ROBO2: variants seen among roughly 807,000 people sequenced by gnomAD.
ROBO2 encodes roundabout guidance receptor 2.
Under a neutral mutation model 160.8 loss-of-function variants are expected in ROBO2, and 53 were observed. The observed-to-expected ratio is 0.33, with a 90% CI of 0.26 to 0.41. The LOEUF (loss-of-function observed/expected upper bound fraction) is 0.41, where lower values mean the gene tolerates loss of function less well. Among genes scored for constraint, ROBO2 ranks in the 10% least tolerant of loss-of-function variants. The pLI, the probability that ROBO2 is intolerant of heterozygous loss-of-function variation, is 1.00. For missense variants in ROBO2, 1,577 were observed against 1,722.4 expected (o/e 0.92, Z 1.49); for synonymous variants, 664 against 611.7 (o/e 1.09, Z -1.26).
intron 2 of ROBO2, among the ~76,000 whole-genome samples, chr3:76,255,775 T>G (rs1706319445): frequency 6.6e-6 from 1 of 152,118 alleles, no homozygotes; most frequent in African/African-American, 2.4e-5. Flanking sequence ...TATAGACAAT[T>G]CTCATGCAGT....
At chr3:76,922,455 G>C (rs959060995) in intron 2 of ROBO2, among the ~76,000 whole-genome samples, 1 of 152,192 alleles carries the variant, frequency 6.6e-6, no homozygotes, top group African/African-American at 2.4e-5. Context: ...TAGCATCCTG[G>C]TATAACCAGT....
At chr3:76,364,924 C>T (rs1217195699) in intron 2 of ROBO2, among the ~76,000 whole-genome samples, 2 of 152,058 alleles carry the variant, frequency 1.3e-5, no homozygotes, top group East Asian at 3.9e-4. Context: ...GACTCTCTAC[C>T]TGTTTTCCTA....
intron 2 of ROBO2, among the ~76,000 whole-genome samples, chr3:76,547,710 A>G (rs2083189700): frequency 1.3e-5 from 2 of 152,088 alleles, no homozygotes; most frequent in Non-Finnish European, 2.9e-5. Flanking sequence ...GGTTTAACCA[A>G]TGCATATTTT....
At chr3:77,240,347 G>A (rs1040750566) in intron 2 of ROBO2, among the ~76,000 whole-genome samples, 17 of 152,270 alleles carry the variant, frequency 1.1e-4, no homozygotes, top group African/African-American at 4.1e-4. Flanking sequence ...GCCCCTCACT[G>A]CCCGGAGCCG....
intron 2 of ROBO2, among the ~76,000 whole-genome samples, chr3:77,290,164 G>C (rs962480568): frequency 6.6e-6 from 1 of 151,514 alleles, no homozygotes; most frequent in Admixed American, 6.6e-5. Context: ...GCTGAGGCTA[G>C]ATCACCCAAG....
intron 2 of ROBO2, among the ~76,000 whole-genome samples, chr3:76,822,540 T>C (rs1443347676): frequency 1.3e-5 from 2 of 152,014 alleles, no homozygotes; most frequent in African/African-American, 4.8e-5. Context: ...TTCTAAACAA[T>C]GTTCTATGTA....
intron 2 of ROBO2, among the ~76,000 whole-genome samples, chr3:76,005,601 A>G (rs1395889508): frequency 1.3e-5 from 2 of 152,206 alleles, no homozygotes; most frequent in Non-Finnish European, 2.9e-5. Flanking sequence ...GACTTGACCT[A>G]CAGAATCTGT....
At chr3:76,355,060 G>GTGTGTGTGTGTGTT (rs2075082228) in intron 2 of ROBO2, among the ~76,000 whole-genome samples, 1 of 151,506 alleles carries the variant, frequency 6.6e-6, no homozygotes, top group Non-Finnish European at 1.5e-5. Flanking sequence ...GTGTGTGTGT[G>GTGTGTGTGTGTGTT]TATGTATGCA....
At chr3:76,646,279 T>A (rs2090966567) in intron 2 of ROBO2, among the ~76,000 whole-genome samples, 1 of 151,864 alleles carries the variant, frequency 6.6e-6, no homozygotes, top group South Asian at 2.1e-4. Context: ...TGTGGAAGAG[T>A]GACGGGAAAG....
intron 2 of ROBO2, among the ~76,000 whole-genome samples, chr3:76,051,420 C>T (rs1212578077): frequency 6.6e-6 from 1 of 152,106 alleles, no homozygotes; most frequent in East Asian, 1.9e-4. Context: ...ATGTATATTA[C>T]ACATGGACTA....
chr3:76,721,154 T>A (rs2093459745), intron 2 of ROBO2, among the ~76,000 whole-genome samples: 2 of 152,218 alleles, frequency 1.3e-5, no homozygotes, highest in Non-Finnish European at 2.9e-5. Context: ...ATCTGTAATC[T>A]CAAGTTTATT....
At chr3:76,446,373 G>T (rs1023820146) in intron 2 of ROBO2, among the ~76,000 whole-genome samples, 3 of 152,324 alleles carry the variant, frequency 2.0e-5, no homozygotes, top group Admixed American at 6.5e-5. Flanking sequence ...ACAAATCACT[G>T]CTCAACGAAA....
chr3:77,368,257 T>TC (rs2071219114), intron 2 of ROBO2, among the ~76,000 whole-genome samples: 1 of 151,882 alleles, frequency 6.6e-6, no homozygotes, highest in African/African-American at 2.4e-5. Context: ...ATACATTCAT[T>TC]TTTTTGTTAT....
intron 2 of ROBO2, among the ~76,000 whole-genome samples, chr3:76,693,139 G>A (rs2092843889): frequency 2.8e-5 from 4 of 143,240 alleles, no homozygotes; most frequent in African/African-American, 7.7e-5. Flanking sequence ...ATATATATGT[G>A]TATATACATA....
At chr3:77,395,319 C>T (rs1021389890) in intron 2 of ROBO2, among the ~76,000 whole-genome samples, 1 of 152,044 alleles carries the variant, frequency 6.6e-6, no homozygotes, top group Non-Finnish European at 1.5e-5. Flanking sequence ...TCCGCTTTCC[C>T]GGAGGGGTGG....
At chr3:77,591,149 T>A (rs951414509) in intron 17 of ROBO2, among the ~76,000 whole-genome samples, 4 of 152,170 alleles carry the variant, frequency 2.6e-5, no homozygotes, top group African/African-American at 9.6e-5. Flanking sequence ...CAGTGAAATA[T>A]ACATTATTAG....
intron 2 of ROBO2, among the ~76,000 whole-genome samples, chr3:76,699,025 G>T (rs1267065760): frequency 1.3e-5 from 2 of 152,004 alleles, no homozygotes; most frequent in Non-Finnish European, 2.9e-5. Flanking sequence ...ACATCTTTCT[G>T]ATTTCTTACT....
At chr3:76,278,119 T>C (rs756807348) in intron 2 of ROBO2, among the ~76,000 whole-genome samples, 1 of 151,880 alleles carries the variant, frequency 6.6e-6, no homozygotes, top group Non-Finnish European at 1.5e-5. Context: ...GTTAAACTTG[T>C]ATGGTTTAAT....
intron 1 of ROBO2, among the ~76,000 whole-genome samples, chr3:77,044,450 A>G (rs2064423703): frequency 6.6e-6 from 1 of 152,144 alleles, no homozygotes; most frequent in Admixed American, 6.5e-5. Flanking sequence ...CATCTTATTT[A>G]CTATTTCTCC....
Sources: gnomAD v4.1 joint callset for allele counts (sites outside exome capture counted in the v4.1 genomes callset) on GRCh38, gnomAD v4.1.1 for gene constraint, MANE v1.5 for transcripts, NCBI Gene and HGNC (gene_info 2026-07-23, HGNC 2026-07-21) for gene names.